ADGRL2: variants seen among roughly 807,000 people sequenced by gnomAD.
ADGRL2 encodes calcium-independent alpha-latrotoxin receptor 2.
A neutral mutation model predicts 157.4 loss-of-function variants in ADGRL2; 44 were observed. The observed-to-expected ratio is 0.28, with a 90% CI of 0.22 to 0.36. The LOEUF is 0.36. Ranked by LOEUF, ADGRL2 falls within the 10% of genes least tolerant of loss-of-function variation. The pLI is 1.00. For missense variants in ADGRL2, 1,510 were observed against 1,768.9 expected, an observed-to-expected ratio of 0.85 and a Z score of 2.63; for synonymous variants, 585 against 624.7, an observed-to-expected ratio of 0.94 and a Z score of 0.95.
intron 2 of ADGRL2, among the ~76,000 whole-genome samples, chr1:81,556,312 ATTTT>A (rs145670261): frequency 2.1e-4 from 18 of 87,132 alleles, no homozygotes; most frequent in African/African-American, 7.5e-4. Flanking sequence ...GGCTGTCACA[ATTTT>A]TTTTTTTTTT....
At chr1:81,530,880 C>T (rs969981855) in intron 2 of ADGRL2, among the ~76,000 whole-genome samples, 4 of 151,836 alleles carry the variant, frequency 2.6e-5, no homozygotes, top group Non-Finnish European at 5.9e-5. Context: ...GTCGGGAGTT[C>T]GAGACCAACC....
In ADGRL2 at chr1:81,973,834, A is replaced by G. The variant is rs1293243103; in HGVS notation, c.3021+1916A>G. 3.3e-5 allele frequency among the ~76,000 whole-genome samples: 5 copies of G among 152,260 alleles called. No homozygotes were observed. In the East Asian group the frequency reaches 9.7e-4, roughly 29 times the overall value. On this transcript the variant is annotated intron_variant, in intron 17 of 23. Transcript: ENST00000686636. ...ATTGCTTTGCTTTCTAATTTTCCCA[A>G]CAGAGAGAAATTAAGAGTGGTATAG...
intron 1 of ADGRL2, among the ~76,000 whole-genome samples, chr1:81,804,939 C>T (rs1309532845): frequency 6.6e-6 from 1 of 152,070 alleles, no homozygotes; most frequent in African/African-American, 2.4e-5. Context: ...GCGGAGGATG[C>T]TGAAAATTAA....
intron 1 of ADGRL2, among the ~76,000 whole-genome samples, chr1:81,369,132 T>C (rs1159837475): frequency 1.3e-5 from 2 of 151,756 alleles, no homozygotes; most frequent in Non-Finnish European, 2.9e-5. Flanking sequence ...CATGTGGGTG[T>C]GGGAGGGTTG....
At chr1:81,655,759 A>G (rs563548757) in intron 3 of ADGRL2, among the ~76,000 whole-genome samples, 1 of 151,940 alleles carries the variant, frequency 6.6e-6, no homozygotes, top group East Asian at 1.9e-4. Flanking sequence ...TCTCTCTTCC[A>G]TGAAACCATC....
chr1:81,552,666 C>T (rs1375424653), intron 2 of ADGRL2, among the ~76,000 whole-genome samples: 4 of 148,492 alleles, frequency 2.7e-5, no homozygotes, highest in Admixed American at 2.7e-4. Flanking sequence ...ACCATGAGTT[C>T]TGACTAAGAC....
chr1:81,622,741 C>T lies in ADGRL2; in HGVS notation c.-143+41761C>T, dbSNP rs151066782. On this transcript the variant is annotated intron_variant, in intron 3 of 24. Coordinates refer to the ADGRL2 transcript ENST00000370721. ...CCGTACTCCAACCTGGGCAACAGGG[C>T]GAGACCCTGTCTCTTAAAAACAACA... Among the ~76,000 whole-genome samples the T allele has an allele frequency of 6.9e-4, 105 of 152,186 alleles. 2 individuals carry two copies. The East Asian group carries it at 9.3e-3, about 13-fold the overall frequency.
chr1:81,324,340 CAA>C (rs35428384), intron 1 of ADGRL2, among the ~76,000 whole-genome samples: 13 of 147,434 alleles, frequency 8.8e-5, no homozygotes, highest in African/African-American at 1.2e-4. Context: ...CCTGTCTCTA[CAA>C]AAAAAAAAAT....
intron 2 of ADGRL2, among the ~76,000 whole-genome samples, chr1:81,885,015 A>T (rs754469173): frequency 6.6e-6 from 1 of 152,228 alleles, no homozygotes; most frequent in Non-Finnish European, 1.5e-5. Flanking sequence ...TTAAGGAAGT[A>T]AAAATAATTA....
intron 2 of ADGRL2, among the ~76,000 whole-genome samples, chr1:81,525,768 G>A (rs934863259): frequency 3.9e-5 from 6 of 152,138 alleles, no homozygotes; most frequent in African/African-American, 9.7e-5. Flanking sequence ...TTATATTGGT[G>A]GGGGGCAAAG....
intron 2 of ADGRL2, among the ~76,000 whole-genome samples, chr1:81,492,604 CTG>C (rs2147959882): frequency 6.6e-6 from 1 of 152,284 alleles, no homozygotes; most frequent in East Asian, 1.9e-4. Context: ...AAAATCATCA[CTG>C]TGCAATATTT....
chr1:81,910,275 A>AATAATAATAATG (rs61469046), intron 3 of ADGRL2, among the ~76,000 whole-genome samples: 4 of 150,026 alleles, frequency 2.7e-5, no homozygotes, highest in African/African-American at 9.8e-5. Context: ...TAATAATAAT[A>AATAATAATAATG]CTACAATTGA....
chr1:81,329,868 A>T (rs556737002), intron 1 of ADGRL2, among the ~76,000 whole-genome samples: 5 of 152,302 alleles, frequency 3.3e-5, no homozygotes, highest in African/African-American at 1.2e-4. Flanking sequence ...TATCGTTACC[A>T]GTACATTAAT....
chr1:81,329,685 G>A (rs940656202), intron 1 of ADGRL2, among the ~76,000 whole-genome samples: 1 of 152,086 alleles, frequency 6.6e-6, no homozygotes, highest in Non-Finnish European at 1.5e-5. Flanking sequence ...TATCAAAACT[G>A]CCCAAACCAC....
chr1:81,404,220 C>G (rs1009041486), intron 1 of ADGRL2, among the ~76,000 whole-genome samples: 1 of 152,132 alleles, frequency 6.6e-6, no homozygotes, highest in Non-Finnish European at 1.5e-5. Flanking sequence ...ACCCCCTTGC[C>G]GCCATCTACT....
At chr1:81,612,904 A>G (rs996278822) in intron 3 of ADGRL2, among the ~76,000 whole-genome samples, 1 of 152,202 alleles carries the variant, frequency 6.6e-6, no homozygotes, top group Non-Finnish European at 1.5e-5. Context: ...ACAAAAACAC[A>G]TAATTAGCAC....
chr1:81,890,573 T>A (rs2094234885), intron 2 of ADGRL2, among the ~76,000 whole-genome samples: 1 of 151,968 alleles, frequency 6.6e-6, no homozygotes, highest in Non-Finnish European at 1.5e-5. Flanking sequence ...AATTAAGAGT[T>A]GGGAGAGGTG....
At chr1:81,436,913 C>T (rs932671738) in intron 1 of ADGRL2, among the ~76,000 whole-genome samples, 1 of 152,202 alleles carries the variant, frequency 6.6e-6, no homozygotes, top group African/African-American at 2.4e-5. Flanking sequence ...TGGAGTTTTC[C>T]TTTCTTCTTT....
At position 81,680,443 on chromosome 1, in the gene ADGRL2, G is replaced by A. The variant is rs557939744; in HGVS notation, c.-142-81368G>A. Among the ~76,000 whole-genome samples, 16 of 152,230 alleles carry A rather than the reference G, an allele frequency of 1.1e-4. No homozygotes were observed. The East Asian group carries it at 1.2e-3, about 11-fold the overall frequency. ...AGCAGCCGAAAATGGAAATGAAACC[G>A]GAATGTCGGCTTAGGGCTATGTAGA... is the stretch of plus-strand genomic sequence containing the variant. On this transcript the variant is annotated intron_variant, in intron 3 of 24. Coordinates refer to the ADGRL2 transcript ENST00000370721.
Sources: gnomAD v4.1 joint callset for allele counts (sites outside exome capture counted in the v4.1 genomes callset) on GRCh38, gnomAD v4.1.1 for gene constraint, MANE v1.5 for transcripts, NCBI Gene and HGNC (gene_info 2026-07-23, HGNC 2026-07-21) for gene names.